The following CNOT10 variants were observed in gnomAD, a reference collection of about 807,000 sequenced individuals.
CNOT10 encodes the protein CCR4-NOT transcription complex subunit 10.
In CNOT10, 30 loss-of-function variants were observed where a neutral mutation model predicts 94.6. That is an observed-to-expected ratio of 0.32 (90% confidence interval 0.24 to 0.43). The LOEUF (loss-of-function observed/expected upper bound fraction) is 0.43, where lower values mean the gene tolerates loss of function less well. Ranked by LOEUF, CNOT10 falls within the 20% of genes least tolerant of loss-of-function variation. The pLI, the probability that CNOT10 is intolerant of heterozygous loss-of-function variation, is 1.00. For synonymous variants in CNOT10, 289 were observed against 301.6 expected (o/e 0.96, Z 0.43); for missense variants, 759 against 877.2 (o/e 0.87, Z 1.70).
intron 1 of CNOT10, among the ~76,000 whole-genome samples, chr3:32,686,053 T>C (rs750790145): frequency 5.3e-5 from 8 of 152,184 alleles, no homozygotes; most frequent in Non-Finnish European, 8.8e-5. Context: ...AAACCACTTA[T>C]TTAAAAAGGC....
chr3:32,690,228 C>T (rs1696791463), intron 1 of CNOT10, among the ~76,000 whole-genome samples: 1 of 152,166 alleles, frequency 6.6e-6, no homozygotes, highest in South Asian at 2.1e-4. Flanking sequence ...CCTAGCTGTA[C>T]TACTTGGTAT....
intron 10 of CNOT10, among the ~76,000 whole-genome samples, chr3:32,729,627 A>G (rs1698843116): frequency 6.6e-6 from 1 of 152,194 alleles, no homozygotes; most frequent in African/African-American, 2.4e-5. Context: ...ATTTGAGTAT[A>G]CCAACAGAGG....
At chr3:32,736,860 G>C (rs181223585) in intron 12 of CNOT10, among the ~76,000 whole-genome samples, 4 of 151,842 alleles carry the variant, frequency 2.6e-5, no homozygotes, top group Admixed American at 2.6e-4. Flanking sequence ...CCCTTTTGTA[G>C]TAAAGATACT....
chr3:32,686,325 C>G (rs557184857), intron 1 of CNOT10, among the ~76,000 whole-genome samples: 5 of 152,234 alleles, frequency 3.3e-5, no homozygotes, highest in Admixed American at 2.0e-4. Context: ...AGTGATGGAA[C>G]TTAAAATTTT....
Position 32,685,224 on chromosome 3 carries a change from A to G in CNOT10, c.-237A>G, listed in dbSNP as rs1165531414. On this transcript the variant is annotated 5_prime_UTR_variant, in exon 1 of 19. It removes an upstream start codon present in the reference 5' UTR. Coordinates refer to ENST00000328834, the MANE Select transcript of CNOT10 (RefSeq NM_015442.3). ...GGACGCCGTGAGGCGGAAGCTGTGT[A>G]TGGCGGGAGGCTGTGGCGGTCCCTT... 4 of 481,576 alleles carry G rather than the reference A, an allele frequency of 8.3e-6. No individual in the cohort carries two copies. The highest frequency in any genetic ancestry group is 3.8e-5 in the East Asian group (1 of 26,090). The allele number at this position is 481,576 out of a possible 1,614,324, so 29.8% of individuals were successfully genotyped here. A position where few individuals can be genotyped will look rare whatever the true frequency, so the allele number is the denominator to read the frequency against.
intron 13 of CNOT10, among the ~76,000 whole-genome samples, chr3:32,740,889 AG>A (rs1402243822): frequency 1.3e-5 from 2 of 150,586 alleles, no homozygotes; most frequent in African/African-American, 2.4e-5. Flanking sequence ...AAATTTGTGT[AG>A]GTGTGGGGTC....
At chr3:32,700,128 A>G (rs1023749337) in intron 1 of CNOT10, among the ~76,000 whole-genome samples, 3 of 151,998 alleles carry the variant, frequency 2.0e-5, no homozygotes, top group Non-Finnish European at 4.4e-5. Context: ...GGCATGCACC[A>G]CCATGCCCGG....
chr3:32,697,107 C>T (rs1189565524), intron 1 of CNOT10, among the ~76,000 whole-genome samples: 4 of 152,134 alleles, frequency 2.6e-5, no homozygotes, highest in African/African-American at 7.2e-5. Flanking sequence ...TATGCCACCA[C>T]GCCCAGCTAA....
At chr3:32,689,783 T>G (rs570377093) in intron 1 of CNOT10, among the ~76,000 whole-genome samples, 1 of 152,066 alleles carries the variant, frequency 6.6e-6, no homozygotes, top group African/African-American at 2.4e-5. Flanking sequence ...GCCAGACTTG[T>G]CTCCGTAAAA....
At chr3:32,706,220 AAAG>A (rs1186443382) in intron 3 of CNOT10, among the ~76,000 whole-genome samples, 8 of 152,190 alleles carry the variant, frequency 5.3e-5, no homozygotes. Flanking sequence ...TCCAGAATCA[AAAG>A]AAAGATGATG....
intron 1 of CNOT10, among the ~76,000 whole-genome samples, chr3:32,685,817 C>T (rs899835637): frequency 1.9e-4 from 29 of 152,184 alleles, no homozygotes; most frequent in Middle Eastern, 3.2e-3. Flanking sequence ...GAGAAAGTCA[C>T]CCTGGAGCAC....
chr3:32,707,678 C>G (rs1697685899), intron 3 of CNOT10, among the ~76,000 whole-genome samples: 2 of 152,030 alleles, frequency 1.3e-5, no homozygotes, highest in African/African-American at 4.8e-5. Context: ...TGGTGCATGC[C>G]TGTAGTCCGA....
At chr3:32,754,420 T>C (rs1700108908) in intron 13 of CNOT10, among the ~76,000 whole-genome samples, 1 of 125,974 alleles carries the variant, frequency 7.9e-6, no homozygotes, top group Non-Finnish European at 1.6e-5. Context: ...GAGCTTGCAG[T>C]GAGCCAAGAT....
intron 8 of CNOT10, among the ~76,000 whole-genome samples, chr3:32,722,076 G>T (rs1664163226): frequency 6.6e-6 from 1 of 152,180 alleles, no homozygotes. Context: ...GATGGGGCAG[G>T]AGAAGGAAAA....
chr3:32,764,913 A>G (rs973182491), intron 17 of CNOT10, 104 bp downstream of exon 17: 6 of 1,534,914 alleles, frequency 3.9e-6, no homozygotes, highest in Non-Finnish European at 5.3e-6. Context: ...AGTTTGTTAA[A>G]TATTGGAATA....
chr3:32,696,544 A>G (rs1026111506), intron 1 of CNOT10, among the ~76,000 whole-genome samples: 16 of 152,280 alleles, frequency 1.1e-4, no homozygotes, highest in African/African-American at 3.6e-4. Flanking sequence ...TGTGTGTAGA[A>G]ATGGGAATTT....
At chr3:32,710,348 C>A (rs979922785) in intron 4 of CNOT10, among the ~76,000 whole-genome samples, 15 of 149,894 alleles carry the variant, frequency 1.0e-4, no homozygotes, top group African/African-American at 3.4e-4. Flanking sequence ...TTTAGATTTA[C>A]AGCAAAACCA....
intron 1 of CNOT10, among the ~76,000 whole-genome samples, chr3:32,687,464 T>TTTTTTTTTTTTTTTTTTGTTTTTTG (rs1559471812): frequency 1.5e-5 from 1 of 67,984 alleles, no homozygotes; most frequent in Non-Finnish European, 2.9e-5. Flanking sequence ...TTTTTTTTTT[T>TTTTTTTTTTTTTTTTTTGTTTTTTG]TTTTTGAGAC....
At chr3:32,701,550 C>T (rs867807288) in intron 1 of CNOT10, among the ~76,000 whole-genome samples, 2 of 152,060 alleles carry the variant, frequency 1.3e-5, no homozygotes, top group African/African-American at 4.8e-5. Flanking sequence ...GGTGGATTTC[C>T]CCCTTGCTGT....
Sources: gnomAD v4.1 joint callset for allele counts (sites outside exome capture counted in the v4.1 genomes callset) on GRCh38, gnomAD v4.1.1 for gene constraint, MANE v1.5 for transcripts, NCBI Gene and HGNC (gene_info 2026-07-23, HGNC 2026-07-21) for gene names.